Variants in ROBO2 observed in about 807,000 individuals in gnomAD.
ROBO2 encodes roundabout guidance receptor 2, also known as roundabout homolog 2.
ROBO2 carries 53 observed loss-of-function variants against 160.8 expected under a neutral mutation model. That is an observed-to-expected ratio of 0.33 (90% CI 0.26 to 0.41). The LOEUF is 0.41. Among genes scored for constraint, ROBO2 ranks in the 10% least tolerant of loss-of-function variants. ROBO2 has a pLI of 1.00. For synonymous variants in ROBO2, 664 were observed against 611.7 expected (o/e 1.09, Z -1.26); for missense variants, 1,577 against 1,722.4 (o/e 0.92, Z 1.49).
At chr3:77,555,689 G>C (rs534627369) in intron 8 of ROBO2, among the ~76,000 whole-genome samples, 3 of 151,974 alleles carry the variant, frequency 2.0e-5, no homozygotes, top group Admixed American at 6.6e-5. Flanking sequence ...TTTATATCTT[G>C]TACTGACAAT....
At chr3:77,029,929 T>A (rs1354430565) in intron 2 of ROBO2, among the ~76,000 whole-genome samples, 1 of 151,936 alleles carries the variant, frequency 6.6e-6, no homozygotes. Flanking sequence ...GAAAAGATTA[T>A]CATAAAAATG....
intron 2 of ROBO2, among the ~76,000 whole-genome samples, chr3:77,431,417 A>C (rs1000303823): frequency 6.6e-6 from 1 of 152,222 alleles, no homozygotes; most frequent in African/African-American, 2.4e-5. Context: ...TAAACATTTT[A>C]TATGCTCTAC....
Position 76,187,086 on chromosome 3 carries a change from A to G in ROBO2, c.109+249484A>G, listed in dbSNP as rs916145344. On this transcript the variant is annotated intron_variant, in intron 2 of 26. Transcript: ENST00000487694. ...AAGACTTAAAAAAAAAACTTTGTCA[A>G]TTTTCTTGGATATAAACATTGTCTT... 7.2e-5 allele frequency among the ~76,000 whole-genome samples: 11 copies of G among 152,084 alleles called. No homozygotes were observed. In the South Asian group the frequency reaches 1.5e-3, roughly 20 times the overall value.
At chr3:76,630,615 T>C (rs1234169414) in intron 2 of ROBO2, among the ~76,000 whole-genome samples, 2 of 150,198 alleles carry the variant, frequency 1.3e-5, no homozygotes, top group African/African-American at 2.5e-5. Context: ...ATGGATGATG[T>C]TAGGTGAAAA....
At chr3:77,097,895 TA>T in intron 1 of ROBO2, 118 bp from the exon 2 acceptor site, 1 of 916,960 alleles carries the variant, frequency 1.1e-6, no homozygotes, top group South Asian at 2.1e-5. Context: ...AAACGAAACA[TA>T]AAATAATGTT....
chr3:76,727,262 C>T (rs1052679120), intron 2 of ROBO2, among the ~76,000 whole-genome samples: 2 of 152,018 alleles, frequency 1.3e-5, no homozygotes, highest in Non-Finnish European at 1.5e-5. Context: ...TTGAGGACAC[C>T]AGTTAGTTCT....
chr3:76,785,581 C>A (rs895722322), intron 2 of ROBO2, among the ~76,000 whole-genome samples: 10 of 151,172 alleles, frequency 6.6e-5, no homozygotes, highest in Non-Finnish European at 1.3e-4. Flanking sequence ...ATTAAGTTAA[C>A]TTTAAATAAA....
chr3:77,353,695 G>A (rs1323229379), intron 2 of ROBO2, among the ~76,000 whole-genome samples: 3 of 152,068 alleles, frequency 2.0e-5, no homozygotes, highest in Non-Finnish European at 4.4e-5. Context: ...ACTTTTAGTA[G>A]AGATGGGGTT....
At chr3:77,307,739 T>A (rs11719648) in intron 2 of ROBO2, among the ~76,000 whole-genome samples, 15,253 of 152,070 alleles carry the variant, frequency 0.1, 981 homozygotes, top group East Asian at 0.34. Context: ...AAAAATTAGC[T>A]GAGCATGGTG....
At chr3:77,289,118 T>G (rs2218265) in intron 2 of ROBO2, among the ~76,000 whole-genome samples, 1 of 151,912 alleles carries the variant, frequency 6.6e-6, no homozygotes, top group Admixed American at 6.6e-5. Flanking sequence ...TACAGTCTAG[T>G]GGGTGAAGTT....
At chr3:76,223,162 C>T (rs1704078442) in intron 2 of ROBO2, among the ~76,000 whole-genome samples, 1 of 151,810 alleles carries the variant, frequency 6.6e-6, no homozygotes, top group Admixed American at 6.6e-5. Context: ...TACACTTCCT[C>T]ATGAATTATG....
chr3:76,305,357 CTT>C (rs921789438), intron 2 of ROBO2, among the ~76,000 whole-genome samples: 30 of 116,612 alleles, frequency 2.6e-4, no homozygotes, highest in Non-Finnish European at 4.0e-4. Flanking sequence ...CACCACTGCA[CTT>C]CAGCCTGGGT....
At chr3:76,295,663 AG>A (rs542460143) in intron 2 of ROBO2, among the ~76,000 whole-genome samples, 1 of 152,082 alleles carries the variant, frequency 6.6e-6, no homozygotes, top group East Asian at 1.9e-4. Flanking sequence ...TTGATAGAAA[AG>A]GGGGGGATGC....
rs1560219039 is a variant in ROBO2, at chr3:77,200,316, TATA to T, written c.388+101977_388+101979del. On this transcript the variant is annotated intron_variant, in intron 2 of 25. Transcript: ENST00000461745. ...ATATATATATATATATATATATATA[TATA>T]TATTTTAGTTTCTATAGGTAAAGGG... Among the ~76,000 whole-genome samples, 72 of 78,716 alleles carry T rather than the reference TATA, an allele frequency of 9.1e-4. 4 individuals are homozygous for T. In the East Asian group the frequency reaches 0.016, roughly 17 times the overall value. The allele number at this position is 78,716 out of a possible 152,430, so 51.6% of individuals were successfully genotyped here.
In ROBO2 at chr3:76,887,665, C is replaced by A. The variant is rs115805713; in HGVS notation, c.110-210349C>A. Among the ~76,000 whole-genome samples, 1,424 of 152,224 alleles carry A rather than the reference C, an allele frequency of 9.4e-3. 12 individuals are homozygous for A. The highest frequency in any genetic ancestry group is 0.02 in the Middle Eastern group (6 of 294). ...AAAATATTTTTCTGAGATTCTCTGA[C>A]AATTAAATCTGGATCCCAGCCCCAA... On this transcript the variant is annotated intron_variant, in intron 2 of 26. Coordinates refer to the ROBO2 transcript ENST00000487694.
At chr3:76,691,882 ATTC>A (rs534335615) in intron 2 of ROBO2, among the ~76,000 whole-genome samples, 9 of 152,280 alleles carry the variant, frequency 5.9e-5, no homozygotes, top group Non-Finnish European at 1.2e-4. Flanking sequence ...AGGTGTACAA[ATTC>A]TAGTGACGAA....
At chr3:77,102,472 G>C (rs769673038) in intron 2 of ROBO2, among the ~76,000 whole-genome samples, 4 of 152,160 alleles carry the variant, frequency 2.6e-5, no homozygotes, top group Non-Finnish European at 5.9e-5. Context: ...CACTGACCTA[G>C]ATGTACCTAA....
Position 77,238,943 on chromosome 3 carries a change from C to A in ROBO2, c.388+140603C>A, listed in dbSNP as rs558500245. 1.2e-4 allele frequency among the ~76,000 whole-genome samples: 19 copies of A among 152,206 alleles called. No individual in the cohort carries two copies. In the East Asian group the frequency reaches 3.3e-3, roughly 26 times the overall value. ...ATTTCCTTGTGTCTCTAAGGATGCA[C>A]AATCATCCCTTGGTTCCAGGACCGC... is the stretch of plus-strand genomic sequence containing the variant. On this transcript the variant is annotated intron_variant, in intron 2 of 25. Transcript: ENST00000461745.
At chr3:76,728,134 C>T (rs984541746) in intron 2 of ROBO2, among the ~76,000 whole-genome samples, 9 of 151,650 alleles carry the variant, frequency 5.9e-5, no homozygotes, top group African/African-American at 7.3e-5. Flanking sequence ...GTTGTAGGCA[C>T]GTGCTCTTGC....
Sources: gnomAD v4.1 joint callset for allele counts (sites outside exome capture counted in the v4.1 genomes callset) on GRCh38, gnomAD v4.1.1 for gene constraint, MANE v1.5 for transcripts, NCBI Gene and HGNC (gene_info 2026-07-23, HGNC 2026-07-21) for gene names.